TENM1: variants seen among roughly 807,000 people sequenced by gnomAD.
TENM1 encodes the protein teneurin-1.
In TENM1, 35 loss-of-function variants were observed where a neutral mutation model predicts 174.8. The observed-to-expected ratio is 0.20, with a 90% CI of 0.15 to 0.27. The LOEUF is 0.27. Among genes scored for constraint, TENM1 ranks in the 10% least tolerant of loss-of-function variants. The pLI, the probability that TENM1 is intolerant of heterozygous loss-of-function variation, is 1.00. For missense variants in TENM1, 1,633 were observed against 2,130.1 expected (o/e 0.77, Z 4.59); for synonymous variants, 781 against 798.7 (o/e 0.98, Z 0.37).
intron 11 of TENM1, among the ~76,000 whole-genome samples, chrX:124,637,010 T>C (rs187932583): frequency 9.1e-4 from 102 of 111,952 alleles, no homozygotes; most frequent in Non-Finnish European, 1.7e-3. Flanking sequence ...ATAGAAATCA[T>C]GGAGTCAGTG....
chrX:125,142,719 C>A, the TENM1 span, among the ~76,000 whole-genome samples: 1 of 111,480 alleles, frequency 9.0e-6, no homozygotes, highest in Non-Finnish European at 1.9e-5. Flanking sequence ...CAGCTAAAAC[C>A]ACAAAGCTTC....
At chrX:124,817,135 G>A (rs779240101) in intron 3 of TENM1, among the ~76,000 whole-genome samples, 8 of 110,886 alleles carry the variant, frequency 7.2e-5, no homozygotes, top group African/African-American at 1.3e-4. Flanking sequence ...GAGAACATGC[G>A]GTGTTTGGCT....
chrX:124,890,906 T>G (rs376382115), intron 3 of TENM1, among the ~76,000 whole-genome samples: 1 of 111,831 alleles, frequency 8.9e-6, no homozygotes, highest in East Asian at 2.8e-4. Context: ...TAAATGTCCA[T>G]CAACAGATGA....
intron 22 of TENM1, among the ~76,000 whole-genome samples, chrX:124,457,804 T>A (rs5910091): frequency 0.086 from 9,580 of 111,557 alleles, 382 homozygotes; most frequent in Admixed American, 0.15. Flanking sequence ...GCAGAAGGCA[T>A]CTCTGTACTT....
At chrX:124,911,025 T>G (rs756083048) in intron 1 of TENM1, among the ~76,000 whole-genome samples, 1 of 110,045 alleles carries the variant, frequency 9.1e-6, no homozygotes, top group African/African-American at 3.3e-5. Flanking sequence ...AAGCCATCCT[T>G]CTGCCTCAGT....
chrX:124,439,942 C>T (rs1049165254), intron 23 of TENM1, among the ~76,000 whole-genome samples: 1 of 111,236 alleles, frequency 9.0e-6, no homozygotes, highest in Non-Finnish European at 1.9e-5. Flanking sequence ...GAATTTTTTC[C>T]CAGGGGCACA....
At chrX:124,495,018 G>A (rs2047162369) in intron 20 of TENM1, among the ~76,000 whole-genome samples, 1 of 103,654 alleles carries the variant, frequency 9.6e-6, no homozygotes, top group Non-Finnish European at 2.0e-5. Context: ...AGTCCTTTGG[G>A]TATATACCCA....
intron 18 of TENM1, among the ~76,000 whole-genome samples, chrX:124,509,681 G>A (rs766116466): frequency 9.3e-6 from 1 of 107,412 alleles, no homozygotes; most frequent in African/African-American, 3.4e-5. Context: ...TGTGAGAGAA[G>A]CCATACCTTG....
chrX:125,056,608 T>C, the TENM1 span, among the ~76,000 whole-genome samples: 1 of 111,278 alleles, frequency 9.0e-6, no homozygotes. Flanking sequence ...ACTGATGACC[T>C]AGAATGATGC....
chrX:124,385,925 A>C, exon 29 of TENM1: 1 of 1,210,767 alleles, frequency 8.3e-7, no homozygotes, highest in South Asian at 1.8e-5. Context: ...TGGGGTGTAG[A>C]TGTTCCGGTA....
chrX:124,977,997 AGAGAGAGAGAGAGAGAGAGAGAGAG>A, the TENM1 span, among the ~76,000 whole-genome samples: 1 of 101,024 alleles, frequency 9.9e-6, no homozygotes, highest in African/African-American at 3.7e-5. Flanking sequence ...AGAGAGAGAG[AGAGAGAGAGAGAGAGAGAGAGAGAG>A]ATCTTTTTCC....
the TENM1 span, among the ~76,000 whole-genome samples, chrX:125,147,074 TAC>T: frequency 0.011 from 1,200 of 109,757 alleles, 18 homozygotes; most frequent in African/African-American, 0.037. Context: ...CTTATTTTTA[TAC>T]ACACACGTGT....
chrX:124,522,653 T>G (rs1253475458), intron 17 of TENM1, among the ~76,000 whole-genome samples: 1 of 99,973 alleles, frequency 1.0e-5, no homozygotes, highest in African/African-American at 3.6e-5. Flanking sequence ...ACAATGACAA[T>G]GATACAAACT....
At chrX:124,685,324 C>G (rs139651478) in intron 5 of TENM1, among the ~76,000 whole-genome samples, 1 of 109,727 alleles carries the variant, frequency 9.1e-6, no homozygotes, top group African/African-American at 3.3e-5. Flanking sequence ...GAAAACAGCA[C>G]GTAAGAAATA....
intron 1 of TENM1, among the ~76,000 whole-genome samples, chrX:124,949,743 C>G (rs1331043431): frequency 9.0e-6 from 1 of 111,648 alleles, no homozygotes; most frequent in Non-Finnish European, 1.9e-5. Context: ...GAGATGAGAG[C>G]TGGTGCAAAT....
the TENM1 span, among the ~76,000 whole-genome samples, chrX:125,029,387 T>C: frequency 7.8e-4 from 87 of 111,797 alleles, no homozygotes; most frequent in Non-Finnish European, 4.7e-4. Context: ...GAGGAAGATA[T>C]CCCATCTCTT....
At chrX:124,438,770 C>T (rs374255957) in intron 23 of TENM1, among the ~76,000 whole-genome samples, 2 of 111,082 alleles carry the variant, frequency 1.8e-5, no homozygotes. Context: ...ATATAAACAA[C>T]CTGAGCTGTC....
At chrX:124,607,573 G>A (rs1325002830) in intron 11 of TENM1, among the ~76,000 whole-genome samples, 2 of 111,281 alleles carry the variant, frequency 1.8e-5, no homozygotes, top group African/African-American at 6.5e-5. Flanking sequence ...AGGAAGAAAG[G>A]TTAGTAGGAG....
intron 23 of TENM1, among the ~76,000 whole-genome samples, chrX:124,426,799 A>G (rs1487987603): frequency 1.8e-5 from 2 of 112,217 alleles, no homozygotes; most frequent in East Asian, 5.6e-4. Flanking sequence ...TTTCAGACTG[A>G]GGCCATCGGA....
Sources: gnomAD v4.1 joint callset for allele counts (sites outside exome capture counted in the v4.1 genomes callset) on GRCh38, gnomAD v4.1.1 for gene constraint, MANE v1.5 for transcripts, NCBI Gene and HGNC (gene_info 2026-07-23, HGNC 2026-07-21) for gene names.